GTF2B: variants seen among roughly 807,000 people sequenced by gnomAD.
GTF2B encodes the protein general transcription factor IIB.
In GTF2B, 20 loss-of-function variants were observed where a neutral mutation model predicts 34.6. That is an observed-to-expected ratio of 0.58 (90% CI 0.41 to 0.84). The LOEUF is 0.84. Ranked by LOEUF, GTF2B falls within the 40% of genes least tolerant of loss-of-function variation. GTF2B has a pLI of 0.00. For synonymous variants in GTF2B, 142 were observed against 132.4 expected, an observed-to-expected ratio of 1.07 and a Z score of -0.50; for missense variants, 237 against 393.3, an observed-to-expected ratio of 0.60 and a Z score of 3.36.
chr1:88,866,091 G>A (rs994308876), intron 2 of GTF2B, among the ~76,000 whole-genome samples: 2 of 152,168 alleles, frequency 1.3e-5, no homozygotes, highest in African/African-American at 4.8e-5. Context: ...GCTGGGCATG[G>A]TGGTTCACAC....
In GTF2B at chr1:88,857,476, C is replaced by T. The variant is rs769046476; in HGVS notation, c.547G>A (p.Val183Ile). The change falls in exon 6 of 7, where the codon GTA becomes ATA. Residue 183 changes from valine (V) to isoleucine (I), a missense_variant. By Grantham distance (29) the Val-to-Ile change is conservative. Coordinates refer to ENST00000370500, the MANE Select transcript of GTF2B (RefSeq NM_001514.6). ...ATTTCTTTCTTAGAAATTCGTGATACGGCACATATTTCTAAAAGAAAAAAA... is the reference window on the plus strand; with the variant it reads ...ATTTCTTTCTTAGAAATTCGTGATATGGCACATATTTCTAAAAGAAAAAAA... ...VPRTFKEICAVSRISKKEIGR... is the reference protein window; with the variant it reads ...VPRTFKEICAISRISKKEIGR... The T allele has an allele frequency of 3.2e-5, 50 of 1,567,132 alleles. No individual in the cohort carries two copies. Among genetic ancestry groups the T allele is most frequent in the Admixed American group, 1.4e-4 (8 of 59,026 alleles).
At chr1:88,890,470 A>G (rs1674174011) in intron 1 of GTF2B, among the ~76,000 whole-genome samples, 1 of 152,228 alleles carries the variant, frequency 6.6e-6, no homozygotes, top group South Asian at 2.1e-4. Context: ...AACCAATTCC[A>G]CAGATGATAG....
At chr1:88,856,081 C>T (rs180781849) in intron 6 of GTF2B, among the ~76,000 whole-genome samples, 5 of 151,824 alleles carry the variant, frequency 3.3e-5, no homozygotes, top group African/African-American at 9.7e-5. Context: ...ACAAGCCTGC[C>T]CAACATGGTG....
chr1:88,866,596 T>C (rs555758274), intron 2 of GTF2B, among the ~76,000 whole-genome samples: 2 of 152,248 alleles, frequency 1.3e-5, no homozygotes, highest in East Asian at 3.9e-4. Context: ...CTTGTAGAGA[T>C]GGGGTTTTGC....
rs898694837 is a variant in GTF2B, at chr1:88,885,203, C to G, written c.124+2058G>C. Among the ~76,000 whole-genome samples, 17 of 152,300 alleles carry G rather than the reference C, an allele frequency of 1.1e-4. 1 individual carries two copies. Among genetic ancestry groups the G allele is most frequent in the African/African-American group, 3.6e-4 (15 of 41,564 alleles). On this transcript the variant is annotated intron_variant, in intron 2 of 6. Transcript: ENST00000370500. ...CCTGTAATCCCAGCACTTTGGGAGG[C>G]TGAGGCTGGTGGATCACCTGAGGTC... is the stretch of plus-strand genomic sequence containing the variant.
chr1:88,870,036 T>C (rs1010816659), intron 2 of GTF2B, among the ~76,000 whole-genome samples: 4 of 151,438 alleles, frequency 2.6e-5, no homozygotes, highest in African/African-American at 7.3e-5. Flanking sequence ...CACGCCCTTC[T>C]CCTGCCTCAG....
chr1:88,856,347 A>G (rs1304226504), intron 6 of GTF2B, among the ~76,000 whole-genome samples: 2 of 151,794 alleles, frequency 1.3e-5, no homozygotes, highest in East Asian at 3.9e-4. Flanking sequence ...GTTTTCCTAC[A>G]ACACTAAATT....
intron 6 of GTF2B, 29 bp from the exon 7 acceptor site, chr1:88,853,375 A>G: frequency 1.3e-6 from 2 of 1,597,632 alleles, no homozygotes; most frequent in South Asian, 2.2e-5. Context: ...AACATTAACC[A>G]TCATTTCCAT....
Position 88,887,323 on chromosome 1 carries a change from G to A in GTF2B, c.62C>T (p.Ala21Val), listed in dbSNP as rs138269428. The change falls in exon 2 of 7, where the codon GCG becomes GTG. Residue 21 changes from alanine (A) to valine (V), a missense_variant. Ala to Val is a moderately conservative substitution (Grantham distance 64). Coordinates refer to ENST00000370500, the MANE Select transcript of GTF2B (RefSeq NM_001514.6). Reference protein sequence around the residue: ...PRVTCPNHPDAILVEDYRAGD... With the variant: ...PRVTCPNHPDVILVEDYRAGD... ...GGCTCTGTAGTCCTCCACTAAAATC[G>A]CATCTGGATGGTTTGGACATGTGAC... The A allele has an allele frequency of 6.1e-5, 99 of 1,612,442 alleles. No individual in the cohort carries two copies. Among genetic ancestry groups the A allele is most frequent in the Non-Finnish European group, 8.1e-5 (96 of 1,178,722 alleles).
At chr1:88,867,949 T>A (rs1188489691) in intron 2 of GTF2B, among the ~76,000 whole-genome samples, 3 of 152,198 alleles carry the variant, frequency 2.0e-5, no homozygotes, top group Non-Finnish European at 4.4e-5. Context: ...CCTCTTTTTA[T>A]ATTTAACTAC....
chr1:88,877,107 G>T (rs1239864469), intron 2 of GTF2B, among the ~76,000 whole-genome samples: 3 of 152,202 alleles, frequency 2.0e-5, no homozygotes, highest in Non-Finnish European at 4.4e-5. Context: ...ACCTACATTA[G>T]AATTTCTGGG....
chr1:88,875,516 CTAAATTTGGCCACAA>C (rs899270416), intron 2 of GTF2B, among the ~76,000 whole-genome samples: 3 of 152,176 alleles, frequency 2.0e-5, no homozygotes, highest in African/African-American at 7.2e-5. Flanking sequence ...AAGGTGTATC[CTAAATTTGGCCACAA>C]TAAATTTGGC....
intron 2 of GTF2B, among the ~76,000 whole-genome samples, chr1:88,877,784 T>C (rs1384699752): frequency 1.3e-5 from 2 of 152,018 alleles, no homozygotes; most frequent in African/African-American, 4.8e-5. Flanking sequence ...ATACAAAAAT[T>C]AGTTGGGCAT....
Position 88,888,983 on chromosome 1 carries a change from C to T in GTF2B, c.18-1616G>A, listed in dbSNP as rs141179255. 2.8e-4 allele frequency among the ~76,000 whole-genome samples: 43 copies of T among 152,250 alleles called. No homozygotes were observed. The East Asian group carries it at 8.3e-3, about 29-fold the overall frequency. On this transcript the variant is annotated intron_variant, in intron 1 of 6. Coordinates refer to ENST00000370500, the MANE Select transcript of GTF2B (RefSeq NM_001514.6). ...GGTAGGAGCTATATGTATGTGCTCACTTTGTAACTGAGCTGCCCACTTTTA... is the reference window on the plus strand; with the variant it reads ...GGTAGGAGCTATATGTATGTGCTCATTTTGTAACTGAGCTGCCCACTTTTA...
At chr1:88,857,120 T>C in intron 6 of GTF2B, 86 bp downstream of exon 6, 1 of 1,270,460 alleles carries the variant, frequency 7.9e-7, no homozygotes. Flanking sequence ...TTTCTTGCTA[T>C]TTACCCGGTT....
At chr1:88,886,269 C>A (rs765835601) in intron 2 of GTF2B, among the ~76,000 whole-genome samples, 1 of 152,182 alleles carries the variant, frequency 6.6e-6, no homozygotes, top group Non-Finnish European at 1.5e-5. Flanking sequence ...ACTAATGCTT[C>A]TGTTATACTG....
At chr1:88,876,132 T>C (rs1673811378) in intron 2 of GTF2B, among the ~76,000 whole-genome samples, 1 of 152,256 alleles carries the variant, frequency 6.6e-6, no homozygotes, top group Non-Finnish European at 1.5e-5. Context: ...AAATAACTTG[T>C]AAGTGAATAC....
chr1:88,885,140 A>T (rs1456243969), intron 2 of GTF2B, among the ~76,000 whole-genome samples: 1 of 152,180 alleles, frequency 6.6e-6, no homozygotes, highest in Non-Finnish European at 1.5e-5. Flanking sequence ...TATTCCATTA[A>T]AACTTTATAG....
chr1:88,859,821 G>GT, intron 5 of GTF2B, 61 bp downstream of exon 5: 1 of 1,499,408 alleles, frequency 6.7e-7, no homozygotes, highest in African/African-American at 1.4e-5. Flanking sequence ...GGGCGACAAA[G>GT]TGAGACCCTA....
Sources: gnomAD v4.1 joint callset for allele counts (sites outside exome capture counted in the v4.1 genomes callset) on GRCh38, gnomAD v4.1.1 for gene constraint, MANE v1.5 for transcripts, NCBI Gene and HGNC (gene_info 2026-07-23, HGNC 2026-07-21) for gene names.